Variants in PAXBP1 observed in about 807,000 individuals in gnomAD.
PAXBP1 encodes PAX3 and PAX7 binding protein 1.
In PAXBP1, 44 loss-of-function variants were observed where a neutral mutation model predicts 119.9. The observed-to-expected ratio is 0.37, with a 90% CI of 0.29 to 0.47. The LOEUF is 0.47. Among genes scored for constraint, PAXBP1 ranks in the 20% least tolerant of loss-of-function variants. PAXBP1 has a pLI of 0.99. For synonymous variants in PAXBP1, 393 were observed against 406.6 expected (o/e 0.97, Z 0.40); for missense variants, 898 against 1,134.1 (o/e 0.79, Z 2.99).
chr21:32,742,143 A>T (rs989948682), intron 15 of PAXBP1: 1 of 152,272 alleles, frequency 6.6e-6, no homozygotes, highest in African/African-American at 2.4e-5. Flanking sequence ...AAAGTTGTAC[A>T]TATCTTGATT....
intron 13 of PAXBP1, among the ~76,000 whole-genome samples, chr21:32,743,980 T>C (rs1318835545): frequency 6.6e-6 from 1 of 152,132 alleles, no homozygotes; most frequent in Non-Finnish European, 1.5e-5. Flanking sequence ...TTCCTTAGTC[T>C]ACATAAAGAT....
At chr21:32,742,001 G>T (rs1451069048) in intron 15 of PAXBP1, among the ~76,000 whole-genome samples, 4 of 152,178 alleles carry the variant, frequency 2.6e-5, no homozygotes, top group African/African-American at 9.7e-5. Flanking sequence ...TTATTCAGTG[G>T]AAGCAGCCAG....
In PAXBP1 at chr21:32,771,292, G is replaced by C. The variant is rs549788830; in HGVS notation, c.343+34C>G. On this transcript the variant is annotated intron_variant, in intron 1 of 17. Transcript: ENST00000331923. ...GGACGGGGGCCTGCGTCGGGGATGC[G>C]GCCGTCTAAGGGCGTCCGAAGCGCG... 2.2e-4 allele frequency: 343 copies of C among 1,538,290 alleles called. 2 individuals carry two copies. The African/African-American group carries it at 4.4e-3, about 20-fold the overall frequency.
At chr21:32,768,818 T>G (rs1346388572) in intron 2 of PAXBP1, among the ~76,000 whole-genome samples, 3 of 152,252 alleles carry the variant, frequency 2.0e-5, no homozygotes, top group Admixed American at 2.0e-4. Flanking sequence ...AACTACTTCC[T>G]TCACAAATCA....
chr21:32,766,699 C>A (rs1284244527), intron 2 of PAXBP1, among the ~76,000 whole-genome samples: 2 of 152,236 alleles, frequency 1.3e-5, no homozygotes, highest in East Asian at 3.8e-4. Context: ...CCAATGGCTG[C>A]AGCCACGGCT....
chr21:32,771,206 G>C (rs1302363316), intron 1 of PAXBP1, 120 bp downstream of exon 1: 3 of 949,900 alleles, frequency 3.2e-6, no homozygotes, highest in African/African-American at 3.5e-5. Flanking sequence ...CAGCCGGTCG[G>C]ACGGCAGGGG....
intron 15 of PAXBP1, chr21:32,742,688 C>T (rs1352141758): frequency 9.3e-6 from 2 of 213,938 alleles, no homozygotes; most frequent in East Asian, 1.3e-4. Context: ...GTATCTGCTA[C>T]AGCAGTACTC....
intron 13 of PAXBP1, 52 bp downstream of exon 13, chr21:32,744,740 T>C: frequency 2.0e-6 from 3 of 1,490,800 alleles, no homozygotes; most frequent in Non-Finnish European, 2.7e-6. Context: ...TGCTTGCTCA[T>C]ATTCAACAGA....
chr21:32,761,411 T>G (rs147419883), intron 4 of PAXBP1, among the ~76,000 whole-genome samples: 16 of 152,292 alleles, frequency 1.1e-4, no homozygotes, highest in African/African-American at 3.4e-4. Context: ...TCTGTAAACT[T>G]GACATCAACA....
chr21:32,745,819 A>C, intron 11 of PAXBP1, 101 bp from the exon 12 acceptor site: 1 of 1,399,476 alleles, frequency 7.1e-7, no homozygotes, highest in Non-Finnish European at 9.8e-7. Flanking sequence ...CTTTGGTTGC[A>C]AACAACTAAA....
intron 11 of PAXBP1, 36 bp downstream of exon 11, chr21:32,748,463 T>G (rs1234495156): frequency 6.4e-7 from 1 of 1,563,844 alleles, no homozygotes; most frequent in Non-Finnish European, 8.7e-7. Context: ...AGATATCAAA[T>G]TATAACACTT....
rs2043667656 is a variant in PAXBP1 at position 32,734,727 on chromosome 21, A to C, written c.*223T>G. 1 of 550,664 alleles carries C rather than the reference A, an allele frequency of 1.8e-6. No homozygotes were observed. Among genetic ancestry groups the C allele is most frequent in the Non-Finnish European group, 3.2e-6 (1 of 312,022 alleles). The allele number at this position is 550,664 out of a possible 1,614,324, so 34.1% of individuals were successfully genotyped here. A position where few individuals can be genotyped will look rare whatever the true frequency, so the allele number is the denominator to read the frequency against. On this transcript the variant is annotated 3_prime_UTR_variant, in exon 18 of 18. Coordinates refer to ENST00000331923, the MANE Select transcript of PAXBP1 (RefSeq NM_016631.4). ...AATGACCATACAAAATACTTCAGTA[A>C]ACAAAGTATGACAGGCAGTAAAGAA...
chr21:32,762,957 G>T (rs2044175383), intron 3 of PAXBP1, among the ~76,000 whole-genome samples: 1 of 150,994 alleles, frequency 6.6e-6, no homozygotes. Context: ...TATGATGCTG[G>T]AAAACAGATA....
chr21:32,767,371 G>A, intron 2 of PAXBP1, among the ~76,000 whole-genome samples: 1 of 152,304 alleles, frequency 6.6e-6, no homozygotes, highest in Admixed American at 6.5e-5. Context: ...ATTAATTGGA[G>A]TTATCTAGTG....
rs142064884 is a variant in PAXBP1, at chr21:32,751,002, G to A, written c.1638C>T (p.Thr546=). The change falls in exon 10 of 18, where the codon ACC becomes ACT. Residue 546 remains threonine, a synonymous_variant. Coordinates refer to ENST00000331923, the MANE Select transcript of PAXBP1 (RefSeq NM_016631.4). The stretch of plus-strand genomic sequence containing the variant: ...CTTCAAGGTGATCTGCCATCTTACC[G>A]GTTTGTTCTCTGGCTTGTCTACGAC... ...RTRRRQAREQ[T]GKMADHLEGL... is the part of the protein sequence containing the mutation. 8.7e-6 allele frequency: 14 copies of A among 1,613,888 alleles called. No homozygotes were observed. The East Asian group carries it at 8.9e-5, about 10-fold the overall frequency.
At chr21:32,763,543 T>G (rs1210560491) in intron 3 of PAXBP1, among the ~76,000 whole-genome samples, 1 of 152,242 alleles carries the variant, frequency 6.6e-6, no homozygotes, top group Non-Finnish European at 1.5e-5. Context: ...TATTTTTAAA[T>G]TGTATAAACA....
rs1374894104 is a variant in PAXBP1 at position 32,734,928 on chromosome 21, T to C, written c.*22A>G. On this transcript the variant is annotated 3_prime_UTR_variant, in exon 18 of 18. Coordinates refer to ENST00000331923, the MANE Select transcript of PAXBP1 (RefSeq NM_016631.4). ...ACATTGGGAATGGTAATCAAGCAAA[T>C]AGGTTTTTCAGTCTCATAGATCTAT... 12 of 1,561,184 alleles carry C rather than the reference T, an allele frequency of 7.7e-6. No homozygotes were observed. The highest frequency in any genetic ancestry group is 1.1e-5 in the Non-Finnish European group (12 of 1,132,564).
At chr21:32,749,478 G>A (rs1266980332) in intron 10 of PAXBP1, among the ~76,000 whole-genome samples, 1 of 152,098 alleles carries the variant, frequency 6.6e-6, no homozygotes, top group Non-Finnish European at 1.5e-5. Flanking sequence ...ACAGGTGTGA[G>A]CCACTGTGCC....
In PAXBP1 at chr21:32,748,620, T is replaced by C. The variant is rs772015075; in HGVS notation, c.1802A>G (p.Gln601Arg). ...GTATTTTGAACGCCATGCTTCAAAC[T>C]GTGATTTAATACAGTCAATTGAATA... ...SFYSIDCIKS[Q>R]FEAWRSKYYT... The change falls in exon 11 of 18, where the codon CAG becomes CGG. Residue 601 changes from glutamine to arginine, a missense_variant. By Grantham distance (43) the Gln-to-Arg change is conservative (BLOSUM62 1). Coordinates refer to ENST00000331923, the MANE Select transcript of PAXBP1 (RefSeq NM_016631.4). 10 of 1,613,942 alleles carry C rather than the reference T, an allele frequency of 6.2e-6. No homozygotes were observed. Among genetic ancestry groups the C allele is most frequent in the Admixed American group, 5.0e-5 (3 of 60,002 alleles).
Sources: gnomAD v4.1 joint callset for allele counts (sites outside exome capture counted in the v4.1 genomes callset) on GRCh38, gnomAD v4.1.1 for gene constraint, MANE v1.5 for transcripts, NCBI Gene and HGNC (gene_info 2026-07-23, HGNC 2026-07-21) for gene names.